MYO9A: variants seen among roughly 807,000 people sequenced by gnomAD.
MYO9A encodes the protein unconventional myosin-IXa.
In MYO9A, 103 loss-of-function variants were observed where a neutral mutation model predicts 293.3. The observed-to-expected ratio is 0.35, with a 90% CI of 0.30 to 0.41. The LOEUF is 0.41. Among genes scored for constraint, MYO9A ranks in the 10% least tolerant of loss-of-function variants. The pLI is 1.00. For missense variants in MYO9A, 2,685 were observed against 3,033.0 expected (o/e 0.89, Z 2.69); for synonymous variants, 1,001 against 1,035.7 (o/e 0.97, Z 0.64).
At chr15:71,910,168 G>GTGTATATATATATA (rs56277057) in intron 19 of MYO9A, among the ~76,000 whole-genome samples, 27 of 128,310 alleles carry the variant, frequency 2.1e-4, no homozygotes, top group South Asian at 7.7e-4. Context: ...ATATATACGT[G>GTGTATATATATATA]TATATATATA....
intron 10 of MYO9A, among the ~76,000 whole-genome samples, chr15:71,994,052 A>G (rs1471508144): frequency 6.6e-6 from 1 of 151,972 alleles, no homozygotes; most frequent in Non-Finnish European, 1.5e-5. Flanking sequence ...AGCATTGTTT[A>G]TAACAATAAA....
chr15:71,962,014 G>A (rs2075759672), intron 13 of MYO9A, among the ~76,000 whole-genome samples: 1 of 152,100 alleles, frequency 6.6e-6, no homozygotes, highest in African/African-American at 2.4e-5. Flanking sequence ...GTAAGCCATT[G>A]TGCCCAGCCA....
intron 9 of MYO9A, 82 bp downstream of exon 9, chr15:71,999,769 C>A: frequency 9.9e-7 from 1 of 1,013,556 alleles, no homozygotes; most frequent in Non-Finnish European, 1.4e-6. Context: ...CATTTTCATG[C>A]TGTTAAGAGA....
intron 34 of MYO9A, among the ~76,000 whole-genome samples, chr15:71,859,298 A>G (rs2141639454): frequency 6.6e-6 from 1 of 152,364 alleles, no homozygotes; most frequent in South Asian, 2.1e-4. Flanking sequence ...AGTATATTTT[A>G]GATCTCTGTG....
chr15:71,903,577 T>C (rs565280661), intron 21 of MYO9A, among the ~76,000 whole-genome samples: 6 of 152,340 alleles, frequency 3.9e-5, no homozygotes, highest in African/African-American at 9.6e-5. Flanking sequence ...GAGAAAACTT[T>C]AGGGAAAACC....
At chr15:71,829,075 T>G (rs1000165650) in intron 40 of MYO9A, among the ~76,000 whole-genome samples, 2 of 152,224 alleles carry the variant, frequency 1.3e-5, no homozygotes, top group Admixed American at 1.3e-4. Flanking sequence ...TCTTTCTTTT[T>G]CTAGAGACTC....
chr15:71,894,219 T>C (rs190101296), intron 25 of MYO9A, among the ~76,000 whole-genome samples: 7 of 152,286 alleles, frequency 4.6e-5, no homozygotes, highest in Non-Finnish European at 2.9e-5. Context: ...TGGTTCTTAT[T>C]GGTTAGAAAA....
At chr15:71,902,805 TA>T in intron 22 of MYO9A, 135 bp downstream of exon 22, 1 of 650,748 alleles carries the variant, frequency 1.5e-6, no homozygotes, top group Non-Finnish European at 2.4e-6. Flanking sequence ...CATAATTAAA[TA>T]AAAACCTGGG....
chr15:72,004,425 C>T (rs1333798253), intron 8 of MYO9A, among the ~76,000 whole-genome samples: 1 of 152,018 alleles, frequency 6.6e-6, no homozygotes, highest in East Asian at 1.9e-4. Flanking sequence ...GGCATGGTGG[C>T]GCATACCTGT....
chr15:71,859,998 T>G (rs1219999894), intron 33 of MYO9A, among the ~76,000 whole-genome samples: 1 of 152,190 alleles, frequency 6.6e-6, no homozygotes, highest in Non-Finnish European at 1.5e-5. Context: ...GAAAACATGA[T>G]CAAAATTTCT....
At chr15:71,956,650 A>AAT (rs2059202675) in intron 14 of MYO9A, among the ~76,000 whole-genome samples, 1 of 150,412 alleles carries the variant, frequency 6.6e-6, no homozygotes, top group African/African-American at 2.4e-5. Flanking sequence ...CGTCTCAAAA[A>AAT]ATATATATAT....
At chr15:72,088,930 T>C (rs2079823724) in intron 1 of MYO9A, among the ~76,000 whole-genome samples, 1 of 152,176 alleles carries the variant, frequency 6.6e-6, no homozygotes, top group African/African-American at 2.4e-5. Context: ...TCCACAGTCA[T>C]CCAGTCTCCC....
chr15:72,096,840 T>A (rs2080080523), intron 1 of MYO9A, among the ~76,000 whole-genome samples: 1 of 152,192 alleles, frequency 6.6e-6, no homozygotes, highest in Non-Finnish European at 1.5e-5. Flanking sequence ...ATGGATGACT[T>A]TGATGGCTTC....
chr15:71,881,785 A>G (rs1195974174), intron 28 of MYO9A, among the ~76,000 whole-genome samples: 1 of 152,198 alleles, frequency 6.6e-6, no homozygotes, highest in Non-Finnish European at 1.5e-5. Flanking sequence ...TGAATTTTCA[A>G]TTAGAGTTTA....
intron 3 of MYO9A, among the ~76,000 whole-genome samples, chr15:72,031,171 G>A (rs960886423): frequency 6.6e-6 from 1 of 152,226 alleles, no homozygotes; most frequent in East Asian, 1.9e-4. Context: ...TGTCTTCGAC[G>A]AAACCAGTCC....
chr15:71,930,165 T>C (rs2145633861), intron 18 of MYO9A, among the ~76,000 whole-genome samples: 1 of 152,302 alleles, frequency 6.6e-6, no homozygotes, highest in East Asian at 1.9e-4. Flanking sequence ...CAGACGAATG[T>C]GTATTCTGCT....
chr15:71,965,548 C>T (rs1488476888), intron 13 of MYO9A, among the ~76,000 whole-genome samples: 1 of 152,084 alleles, frequency 6.6e-6, no homozygotes, highest in East Asian at 1.9e-4. Context: ...ATGTTCGAGA[C>T]CAGCCTGGCC....
chr15:71,830,838 T>TG, intron 39 of MYO9A, among the ~76,000 whole-genome samples: 1 of 152,182 alleles, frequency 6.6e-6, no homozygotes, highest in South Asian at 2.1e-4. Context: ...CATAGAAGTA[T>TG]GTTCTAAAAC....
In MYO9A at chr15:72,118,115, G is replaced by T. The variant is rs2081074163; in HGVS notation, c.-507C>A. ...CCCCGCGCACGCGGCCCCGCCCCGC[G>T]CGACTCCCCGGCTGCAGGCGAGCAG... On this transcript the variant is annotated 5_prime_UTR_variant, in exon 1 of 42. Coordinates refer to ENST00000356056, the MANE Select transcript of MYO9A (RefSeq NM_006901.4). The T allele has an allele frequency of 2.6e-6, 1 of 384,702 alleles. No individual in the cohort carries two copies. The highest frequency in any genetic ancestry group is 1.3e-4 in the South Asian group (1 of 7,412). The allele number at this position is 384,702 out of a possible 1,614,324, so 23.8% of individuals were successfully genotyped here.
Sources: gnomAD v4.1 joint callset for allele counts (sites outside exome capture counted in the v4.1 genomes callset) on GRCh38, gnomAD v4.1.1 for gene constraint, MANE v1.5 for transcripts, NCBI Gene and HGNC (gene_info 2026-07-23, HGNC 2026-07-21) for gene names.